RGS6: variants seen among roughly 807,000 people sequenced by gnomAD.
The protein encoded by RGS6 is regulator of G protein signaling 6, also known as regulator of G-protein signaling 6.
A neutral mutation model predicts 78.5 loss-of-function variants in RGS6; 30 were observed. The observed-to-expected ratio is 0.38, with a 90% confidence interval of 0.29 to 0.52. The LOEUF (loss-of-function observed/expected upper bound fraction) is 0.52. RGS6 is among the 20% of genes least tolerant of loss of function. The pLI is 0.85. For synonymous variants in RGS6, 206 were observed against 206.0 expected (o/e 1.00, Z 0.00); for missense variants, 495 against 609.7 (o/e 0.81, Z 1.98).
At chr14:72,116,465 C>G (rs887078195) in intron 2 of RGS6, among the ~76,000 whole-genome samples, 14 of 151,586 alleles carry the variant, frequency 9.2e-5, no homozygotes, top group Admixed American at 5.9e-4. Context: ...GGATGTTTAA[C>G]AGTGTTCCTG....
intron 2 of RGS6, among the ~76,000 whole-genome samples, chr14:72,093,335 C>T (rs765636388): frequency 1.2e-4 from 19 of 152,100 alleles, no homozygotes; most frequent in African/African-American, 3.4e-4. Context: ...TCTACCTCCC[C>T]GGGCTCAAGT....
At chr14:71,946,100 A>G (rs2091468881) in intron 1 of RGS6, among the ~76,000 whole-genome samples, 1 of 152,218 alleles carries the variant, frequency 6.6e-6, no homozygotes. Flanking sequence ...TTCACAAAGA[A>G]TAAATATATT....
intron 2 of RGS6, among the ~76,000 whole-genome samples, chr14:72,000,154 G>T (rs923554087): frequency 6.6e-6 from 1 of 152,172 alleles, no homozygotes; most frequent in Admixed American, 6.5e-5. Context: ...GAATTATCTG[G>T]TTTTGTTCTA....
At position 71,978,841 on chromosome 14, in the gene RGS6, C is replaced by G. The variant is rs1335012406; in HGVS notation, c.84+13966C>G. Among the ~76,000 whole-genome samples the G allele has an allele frequency of 2.6e-5, 4 of 151,284 alleles. No individual in the cohort carries two copies. The East Asian group carries it at 5.9e-4, about 22-fold the overall frequency. On this transcript the variant is annotated intron_variant, in intron 2 of 17. Coordinates refer to ENST00000553525, the MANE Select transcript of RGS6 (RefSeq NM_001204424.2). ...TGGAATAGTTTCAGAAGGAATGGTACCAGCTCCTCCTTGTACCTCTGGTAG... is the reference window on the plus strand; with the variant it reads ...TGGAATAGTTTCAGAAGGAATGGTAGCAGCTCCTCCTTGTACCTCTGGTAG...
rs185073322 is a variant in RGS6 at position 71,960,178 on chromosome 14, A to G, written c.-20-4594A>G. Among the ~76,000 whole-genome samples the G allele has an allele frequency of 3.4e-3, 523 of 152,316 alleles. 7 individuals are homozygous for G. Among genetic ancestry groups the G allele is most frequent in the Admixed American group, 0.032 (485 of 15,292 alleles). The stretch of plus-strand genomic sequence containing the variant: ...CTTGCAGGCACAATCCTGACTTTCA[A>G]TGATTCACGAATCTGTTTGTGTCAC... On this transcript the variant is annotated intron_variant, in intron 1 of 17. Transcript: ENST00000553525.
chr14:72,454,333 A>G (rs1348803494), intron 3 of RGS6, among the ~76,000 whole-genome samples, 195 bp from the exon 4 acceptor site: 2 of 152,160 alleles, frequency 1.3e-5, no homozygotes, highest in African/African-American at 2.4e-5. Flanking sequence ...TGTTTTTTGG[A>G]CAAGAATGGA....
intron 2 of RGS6, among the ~76,000 whole-genome samples, chr14:72,236,756 C>A (rs919427568): frequency 6.6e-6 from 1 of 151,824 alleles, no homozygotes; most frequent in Non-Finnish European, 1.5e-5. Context: ...CCAGACAGGG[C>A]TGCGGCCAGA....
intron 3 of RGS6, among the ~76,000 whole-genome samples, chr14:72,452,826 A>G (rs2095529858): frequency 6.6e-6 from 1 of 152,238 alleles, no homozygotes; most frequent in African/African-American, 2.4e-5. Flanking sequence ...GAAATTCAGA[A>G]CCTTCCAGAA....
chr14:71,951,117 T>C (rs2092271845), intron 1 of RGS6, among the ~76,000 whole-genome samples: 1 of 152,148 alleles, frequency 6.6e-6, no homozygotes, highest in Non-Finnish European at 1.5e-5. Context: ...TATGTGTTCA[T>C]TGCAGCACTT....
At chr14:71,926,135 G>A in the RGS6 span, among the ~76,000 whole-genome samples, 2 of 152,002 alleles carry the variant, frequency 1.3e-5, no homozygotes, top group African/African-American at 2.4e-5. Flanking sequence ...AAATTCCAAT[G>A]GTATTTTTCA....
chr14:72,319,320 A>C (rs995021690), intron 2 of RGS6, among the ~76,000 whole-genome samples: 1 of 151,856 alleles, frequency 6.6e-6, no homozygotes, highest in African/African-American at 2.4e-5. Flanking sequence ...ACATACACTG[A>C]TGTAGCTCTC....
chr14:72,011,794 G>T (rs113650358), intron 2 of RGS6, among the ~76,000 whole-genome samples: 2 of 152,092 alleles, frequency 1.3e-5, no homozygotes, highest in African/African-American at 2.4e-5. Context: ...GGTACTGGAG[G>T]CAATCTTCCT....
At chr14:72,404,025 G>A (rs2092701542) in intron 3 of RGS6, among the ~76,000 whole-genome samples, 1 of 152,180 alleles carries the variant, frequency 6.6e-6, no homozygotes, top group Non-Finnish European at 1.5e-5. Context: ...TAATGAATAT[G>A]CTGGAGAAAC....
intron 2 of RGS6, among the ~76,000 whole-genome samples, chr14:72,337,217 C>T (rs751006069): frequency 6.6e-6 from 1 of 152,026 alleles, no homozygotes; most frequent in Non-Finnish European, 1.5e-5. Context: ...AGCTCTGGAA[C>T]TGACTCCCAC....
chr14:72,161,267 G>C (rs1286780610), intron 2 of RGS6, among the ~76,000 whole-genome samples: 1 of 152,154 alleles, frequency 6.6e-6, no homozygotes, highest in Non-Finnish European at 1.5e-5. Flanking sequence ...GATAGCATTA[G>C]AAGAAATACC....
At chr14:72,195,520 G>C (rs1275203998) in intron 2 of RGS6, among the ~76,000 whole-genome samples, 1 of 152,206 alleles carries the variant, frequency 6.6e-6, no homozygotes, top group Non-Finnish European at 1.5e-5. Flanking sequence ...CCTCAGAGTA[G>C]AGAGAAGAAA....
At chr14:72,068,683 GAT>G (rs1284035463) in intron 2 of RGS6, among the ~76,000 whole-genome samples, 1 of 151,548 alleles carries the variant, frequency 6.6e-6, no homozygotes, top group African/African-American at 2.4e-5. Flanking sequence ...TTTTACCAGA[GAT>G]GGGATTTCAC....
intron 2 of RGS6, among the ~76,000 whole-genome samples, chr14:72,241,780 A>T (rs911568768): frequency 2.0e-5 from 3 of 152,240 alleles, no homozygotes; most frequent in African/African-American, 7.2e-5. Context: ...TTTTGCCTAA[A>T]GGCATGAACA....
intron 2 of RGS6, among the ~76,000 whole-genome samples, chr14:72,218,397 T>C (rs772628958): frequency 8.6e-5 from 13 of 152,042 alleles, no homozygotes; most frequent in Non-Finnish European, 1.6e-4. Flanking sequence ...TATCAATATA[T>C]TAATATTGAA....
Sources: allele counts gnomAD v4.1 joint callset (sites outside exome capture counted in the v4.1 genomes callset), GRCh38; gene constraint gnomAD v4.1.1; transcripts MANE v1.5; gene names NCBI Gene and HGNC (gene_info 2026-07-23, HGNC 2026-07-21).